TBCK: variants seen among roughly 807,000 people sequenced by gnomAD.
The protein encoded by TBCK is TBC1 domain containing kinase.
A neutral mutation model predicts 113.4 loss-of-function variants in TBCK; 99 were observed. That is an observed-to-expected ratio of 0.87 (90% CI 0.74 to 1.03). The LOEUF is 1.03. Ranked by LOEUF, TBCK falls within the 50% of genes least tolerant of loss-of-function variation. TBCK has a pLI of 0.00. For synonymous variants in TBCK, 369 were observed against 370.8 expected, an observed-to-expected ratio of 1.00 and a Z score of 0.05; for missense variants, 1,045 against 1,061.3, an observed-to-expected ratio of 0.98 and a Z score of 0.21.
At chr4:106,058,510 T>C (rs546049197) in intron 25 of TBCK, among the ~76,000 whole-genome samples, 3 of 151,876 alleles carry the variant, frequency 2.0e-5, no homozygotes, top group South Asian at 4.1e-4. Flanking sequence ...AGAAATGCTA[T>C]ATAAACAGCA....
In TBCK at chr4:106,116,215, C is replaced by T. The variant is rs577718921; in HGVS notation, c.2399G>A (p.Arg800Gln). The T allele has an allele frequency of 1.5e-5, 25 of 1,613,776 alleles. No individual in the cohort carries two copies. The highest frequency in any genetic ancestry group is 4.5e-5 in the East Asian group (2 of 44,860). Residue 800 changes from arginine to glutamine, a missense_variant, in exon 24 of 26, where the codon CGG (arginine) becomes CAG (glutamine). Arg to Gln is a conservative substitution (Grantham distance 43). Transcript: ENST00000394708. ...SKPKLLVVDI[R>Q]NSEDFIRGHI... Reference sequence around the variant, plus strand: ...ATGCAAAGGATACTCTTCACTATTCCGGATGTCAACCACCAGGAGCTTTGG... The same window carrying T: ...ATGCAAAGGATACTCTTCACTATTCTGGATGTCAACCACCAGGAGCTTTGG...
chr4:106,251,150 A>AT, intron 6 of TBCK: 4 of 393,780 alleles, frequency 1.0e-5, no homozygotes, highest in South Asian at 7.9e-5. Context: ...AGTTATATAA[A>AT]TTTGGCAAAC....
intron 20 of TBCK, among the ~76,000 whole-genome samples, chr4:106,196,836 C>A (rs919759893): frequency 6.6e-6 from 1 of 152,024 alleles, no homozygotes; most frequent in African/African-American, 2.4e-5. Flanking sequence ...TACCTTCTCC[C>A]TTTTTGATGA....
intron 5 of TBCK, among the ~76,000 whole-genome samples, chr4:106,254,335 C>T (rs1435432522): frequency 6.6e-6 from 1 of 152,176 alleles, no homozygotes; most frequent in Non-Finnish European, 1.5e-5. Flanking sequence ...AAGGCAACAG[C>T]CAAGGGCAAA....
chr4:106,194,698 C>T lies in TBCK; in HGVS notation c.1897+20G>A. The T allele has an allele frequency of 6.3e-7, 1 of 1,587,292 alleles. No homozygotes were observed. Among genetic ancestry groups the T allele is most frequent in the South Asian group, 1.1e-5 (1 of 87,024 alleles). On this transcript the variant is annotated intron_variant, in intron 21 of 25. Coordinates refer to ENST00000394708, the MANE Select transcript of TBCK (RefSeq NM_001163435.3). ...TTTTGCTAATACAATATCAAAAAAA[C>T]CGGGGGAAGTCATACTTACGAGTAA...
At chr4:106,236,598 C>CA in intron 13 of TBCK, 79 bp from the exon 14 acceptor site, 2 of 1,242,420 alleles carry the variant, frequency 1.6e-6, no homozygotes, top group Non-Finnish European at 2.1e-6. Flanking sequence ...CTAACTCTAC[C>CA]AACAGTGATT....
chr4:106,091,634 C>T (rs942984789), intron 25 of TBCK, among the ~76,000 whole-genome samples: 15 of 151,964 alleles, frequency 9.9e-5, no homozygotes, highest in African/African-American at 2.9e-4. Flanking sequence ...TCGTTCCTCC[C>T]GGTGGGTTCG....
intron 25 of TBCK, among the ~76,000 whole-genome samples, chr4:106,061,030 T>A (rs764572709): frequency 9.0e-5 from 13 of 144,690 alleles, no homozygotes; most frequent in Non-Finnish European, 1.7e-4. Flanking sequence ...AGGAGTTGCT[T>A]CTTATGAATG....
intron 23 of TBCK, among the ~76,000 whole-genome samples, chr4:106,156,728 T>C (rs1749167394): frequency 6.6e-6 from 1 of 151,982 alleles, no homozygotes; most frequent in African/African-American, 2.4e-5. Flanking sequence ...GAGCTTGTGG[T>C]GAATGCTGCC....
At chr4:106,286,064 T>C (rs185634675) in intron 3 of TBCK, among the ~76,000 whole-genome samples, 2 of 152,324 alleles carry the variant, frequency 1.3e-5, no homozygotes, top group African/African-American at 4.8e-5. Context: ...TAAAAGGCAG[T>C]AAGTACTGAA....
At chr4:106,126,868 A>C (rs1194687120) in intron 23 of TBCK, among the ~76,000 whole-genome samples, 4 of 152,208 alleles carry the variant, frequency 2.6e-5, no homozygotes, top group African/African-American at 9.6e-5. Flanking sequence ...AAAACTGGAG[A>C]TGACAGTTGC....
At chr4:106,107,506 T>C (rs142710390) in intron 24 of TBCK, among the ~76,000 whole-genome samples, 6 of 152,138 alleles carry the variant, frequency 3.9e-5, no homozygotes, top group East Asian at 1.9e-4. Context: ...TACAATTACA[T>C]AGAAATTAAA....
At chr4:106,252,185 G>C (rs1055377424) in intron 5 of TBCK, among the ~76,000 whole-genome samples, 178 bp from the exon 6 acceptor site, 1 of 151,920 alleles carries the variant, frequency 6.6e-6, no homozygotes, top group Non-Finnish European at 1.5e-5. Flanking sequence ...AAGGAATCAA[G>C]AGAAAATATA....
chr4:106,090,980 C>G (rs1441295435), intron 25 of TBCK, among the ~76,000 whole-genome samples: 3 of 152,224 alleles, frequency 2.0e-5, no homozygotes, highest in African/African-American at 4.8e-5. Context: ...GCCTATTACC[C>G]AGTTCCAAAG....
At chr4:106,048,811 T>C (rs1221673268) in intron 25 of TBCK, among the ~76,000 whole-genome samples, 2 of 152,156 alleles carry the variant, frequency 1.3e-5, no homozygotes, top group African/African-American at 2.4e-5. Context: ...GAAAGAGTTC[T>C]GTTATTGTAA....
intron 25 of TBCK, among the ~76,000 whole-genome samples, chr4:106,066,739 C>G (rs748554403): frequency 6.6e-6 from 1 of 151,822 alleles, no homozygotes; most frequent in Non-Finnish European, 1.5e-5. Flanking sequence ...CATGAATTTG[C>G]TGATTGTTGA....
intron 19 of TBCK, among the ~76,000 whole-genome samples, chr4:106,217,568 CCAA>C (rs1757112519): frequency 6.6e-6 from 1 of 151,908 alleles, no homozygotes; most frequent in Admixed American, 6.6e-5. Flanking sequence ...TTCCTATACA[CCAA>C]CAACAGACAA....
At chr4:106,223,900 C>T (rs114111748) in intron 19 of TBCK, among the ~76,000 whole-genome samples, 76 of 152,138 alleles carry the variant, frequency 5.0e-4, no homozygotes, top group African/African-American at 1.7e-3. Context: ...CATCTTTTTC[C>T]ATACAATTAA....
intron 23 of TBCK, among the ~76,000 whole-genome samples, chr4:106,146,072 C>T (rs1055398898): frequency 3.9e-5 from 6 of 152,138 alleles, no homozygotes; most frequent in African/African-American, 1.4e-4. Context: ...ATAAATCGTT[C>T]TACCATAAAG....
Sources: gnomAD v4.1 joint callset for allele counts (sites outside exome capture counted in the v4.1 genomes callset) on GRCh38, gnomAD v4.1.1 for gene constraint, MANE v1.5 for transcripts, NCBI Gene and HGNC (gene_info 2026-07-23, HGNC 2026-07-21) for gene names.